BNC2: variants seen among roughly 807,000 people sequenced by gnomAD.
BNC2 encodes the protein zinc finger protein basonuclin-2.
In BNC2, 20 loss-of-function variants were observed where a neutral mutation model predicts 76.3. That is an observed-to-expected ratio of 0.26 (90% CI 0.18 to 0.38). The LOEUF (loss-of-function observed/expected upper bound fraction) is 0.38, where lower values mean the gene tolerates loss of function less well. Among genes scored for constraint, BNC2 ranks in the 10% least tolerant of loss-of-function variants. The pLI is 1.00. For missense variants in BNC2, 1,382 were observed against 1,399.8 expected (o/e 0.99, Z 0.20); for synonymous variants, 582 against 514.8 (o/e 1.13, Z -1.77).
At chr9:16,853,857 G>C (rs1227176794) in intron 1 of BNC2, among the ~76,000 whole-genome samples, 1 of 152,182 alleles carries the variant, frequency 6.6e-6, no homozygotes, top group Non-Finnish European at 1.5e-5. Context: ...AATAGAGGGA[G>C]ACTCTGTCTC....
chr9:16,471,292 ATTT>A (rs34169220), intron 5 of BNC2, among the ~76,000 whole-genome samples: 4 of 133,742 alleles, frequency 3.0e-5, no homozygotes, highest in Non-Finnish European at 3.2e-5. Flanking sequence ...CTTGCTTTTG[ATTT>A]TTTTTTTTTT....
At chr9:16,641,800 T>C (rs888919107) in intron 3 of BNC2, among the ~76,000 whole-genome samples, 1 of 152,204 alleles carries the variant, frequency 6.6e-6, no homozygotes, top group Non-Finnish European at 1.5e-5. Flanking sequence ...ATCAAATATG[T>C]AAACTCTCTT....
At chr9:16,464,999 A>T (rs765983565) in intron 5 of BNC2, among the ~76,000 whole-genome samples, 33 of 152,144 alleles carry the variant, frequency 2.2e-4, no homozygotes, top group Non-Finnish European at 4.3e-4. Context: ...ATTCTAACAC[A>T]CGACTTTTAA....
rs1554718906 is a variant in BNC2 at position 16,732,162 on chromosome 9, A to AAAAAAGAAAAAG, written c.130-4177_130-4166dup. ...GTTTTTCCCTCCATTTCCTGCAAAAAAAAAAGAAAAAGAAACAAAAAAGAA... is the reference window on the plus strand; with the variant it reads ...GTTTTTCCCTCCATTTCCTGCAAAAAAAAAAGAAAAAGAAAAAGAAAAAGAAACAAAAAAGAA... On this transcript the variant is annotated intron_variant, in intron 2 of 6. Coordinates refer to ENST00000380672, the MANE Select transcript of BNC2 (RefSeq NM_017637.6). Among the ~76,000 whole-genome samples the AAAAAAGAAAAAG allele has an allele frequency of 3.0e-4, 37 of 123,592 alleles. 1 individual carries two copies. The highest frequency in any genetic ancestry group is 7.9e-4 in the African/African-American group (27 of 33,966). 81.1% of individuals were successfully genotyped at this position (123,592 alleles called of 152,430 possible).
intron 5 of BNC2, among the ~76,000 whole-genome samples, chr9:16,480,982 G>C (rs1045807726): frequency 6.6e-6 from 1 of 152,242 alleles, no homozygotes; most frequent in African/African-American, 2.4e-5. Context: ...GAGTCTGGTA[G>C]GGAAGTGAAG....
At chr9:16,499,045 G>A (rs1005906243) in intron 5 of BNC2, among the ~76,000 whole-genome samples, 3 of 141,176 alleles carry the variant, frequency 2.1e-5, no homozygotes, top group African/African-American at 8.8e-5. Context: ...GCACAGGTAT[G>A]TTCAGCACTT....
chr9:16,514,836 G>C (rs1822841370), intron 5 of BNC2, among the ~76,000 whole-genome samples: 1 of 152,198 alleles, frequency 6.6e-6, no homozygotes, highest in African/African-American at 2.4e-5. Flanking sequence ...GAAATAAGTA[G>C]TTGTCAACAA....
At chr9:16,690,448 C>T (rs1387390701) in intron 3 of BNC2, among the ~76,000 whole-genome samples, 1 of 151,784 alleles carries the variant, frequency 6.6e-6, no homozygotes, top group Non-Finnish European at 1.5e-5. Flanking sequence ...CAGAGTGAAA[C>T]CCTGTCTCAA....
At chr9:16,673,441 A>C (rs34494658) in intron 3 of BNC2, among the ~76,000 whole-genome samples, 73,203 of 144,980 alleles carry the variant, frequency 0.5, 19,598 homozygotes, top group Non-Finnish European at 0.62. Context: ...AAAAAAAAAA[A>C]AAACACACAC....
chr9:16,418,698 ATGTG>A lies in BNC2; in HGVS notation c.*287_*290del, dbSNP rs745647566. The A allele has an allele frequency of 4.8e-4, 145 of 300,048 alleles. 1 individual carries two copies. The highest frequency in any genetic ancestry group is 2.8e-3 in the African/African-American group (84 of 29,980). 18.6% of individuals were successfully genotyped at this position (300,048 alleles called of 1,614,324 possible). A position where few individuals can be genotyped will look rare whatever the true frequency, so the allele number is the denominator to read the frequency against. ...TGTGTGTGTGTGTGTGTGTATGTGCATGTGTGTGTGTGTGTGTTTAAAGGGGTAC... is the reference window on the plus strand; with the variant it reads ...TGTGTGTGTGTGTGTGTGTATGTGCATGTGTGTGTGTGTTTAAAGGGGTAC... On this transcript the variant is annotated 3_prime_UTR_variant, in exon 7 of 7. Transcript: ENST00000380672.
chr9:16,861,219 T>C (rs968673059), intron 1 of BNC2, among the ~76,000 whole-genome samples: 3 of 149,092 alleles, frequency 2.0e-5, no homozygotes, highest in Admixed American at 2.0e-4. Flanking sequence ...CCAGGCATCG[T>C]GGCTTGCACT....
At chr9:16,730,923 A>G (rs748058840) in intron 2 of BNC2, among the ~76,000 whole-genome samples, 2 of 152,248 alleles carry the variant, frequency 1.3e-5, no homozygotes, top group Non-Finnish European at 2.9e-5. Flanking sequence ...AGACTCAATA[A>G]TAAATAAGAT....
At chr9:16,441,606 T>C (rs1821129897) in intron 5 of BNC2, among the ~76,000 whole-genome samples, 1 of 152,224 alleles carries the variant, frequency 6.6e-6, no homozygotes, top group Non-Finnish European at 1.5e-5. Context: ...GGTAACGACC[T>C]CTATGCATGG....
intron 3 of BNC2, among the ~76,000 whole-genome samples, chr9:16,726,558 T>TA (rs1563916666): frequency 1.5e-4 from 15 of 103,204 alleles, no homozygotes; most frequent in South Asian, 4.9e-4. Context: ...CAAAAGCTTT[T>TA]TAAAAAAAAA....
rs187542193 is a variant in BNC2 at position 16,602,044 on chromosome 9, G to A, written c.331-18959C>T. ...ATAGTTAAAAGTTGTTAAGAGGAGG[G>A]TACCATTCTGCTTTCATAATTTTTG... On this transcript the variant is annotated intron_variant, in intron 3 of 6. Transcript: ENST00000380672. Among the ~76,000 whole-genome samples the A allele has an allele frequency of 3.7e-4, 56 of 152,202 alleles. No homozygotes were observed. In the East Asian group the frequency reaches 9.1e-3, roughly 25 times the overall value.
chr9:16,437,606 G>A, intron 5 of BNC2, 82 bp from the exon 6 acceptor site: 1 of 1,479,160 alleles, frequency 6.8e-7, no homozygotes, highest in Non-Finnish European at 9.2e-7. Context: ...AACTGAAGGT[G>A]CTCTGTGTGC....
intron 5 of BNC2, among the ~76,000 whole-genome samples, chr9:16,522,877 C>G (rs1302769300): frequency 6.6e-6 from 1 of 152,080 alleles, no homozygotes; most frequent in Non-Finnish European, 1.5e-5. Flanking sequence ...TGTTTTAACC[C>G]CCAGCTGTCC....
chr9:16,788,031 T>C (rs1351613439), intron 1 of BNC2, among the ~76,000 whole-genome samples: 1 of 152,148 alleles, frequency 6.6e-6, no homozygotes, highest in Non-Finnish European at 1.5e-5. Flanking sequence ...CTGGTTCAAA[T>C]GTAGTACCCT....
chr9:16,618,819 G>T (rs1023537620), intron 3 of BNC2, among the ~76,000 whole-genome samples: 1 of 152,132 alleles, frequency 6.6e-6, no homozygotes, highest in Non-Finnish European at 1.5e-5. Context: ...TTTCATAAAG[G>T]TGGAGGACAA....
Sources: gnomAD v4.1 joint callset for allele counts (sites outside exome capture counted in the v4.1 genomes callset) on GRCh38, gnomAD v4.1.1 for gene constraint, MANE v1.5 for transcripts, NCBI Gene and HGNC (gene_info 2026-07-23, HGNC 2026-07-21) for gene names.